HTR3B: variants seen among roughly 807,000 people sequenced by gnomAD.
The protein encoded by HTR3B is 5-hydroxytryptamine receptor 3B, also known as 5-hydroxytryptamine (serotonin) receptor 3B, ionotropic.
HTR3B carries 44 observed loss-of-function variants against 42.8 expected under a neutral mutation model. The ratio of observed to expected loss-of-function variants is 1.03; its 90% CI spans 0.81 to 1.32. The LOEUF (loss-of-function observed/expected upper bound fraction) is 1.32. Among genes scored for constraint, HTR3B ranks in the 40% most tolerant of loss-of-function variants. The pLI is 0.00. For synonymous variants in HTR3B, 203 were observed against 209.0 expected, an observed-to-expected ratio of 0.97 and a Z score of 0.25; for missense variants, 527 against 536.5, an observed-to-expected ratio of 0.98 and a Z score of 0.17.
At chr11:113,914,749 T>C (rs142247773) in intron 2 of HTR3B, among the ~76,000 whole-genome samples, 1 of 152,254 alleles carries the variant, frequency 6.6e-6, no homozygotes, top group East Asian at 1.9e-4. Context: ...GTATCAGGAT[T>C]GTGTTGGCCT....
At chr11:113,899,539 C>A in the HTR3B span, among the ~76,000 whole-genome samples, 3 of 152,234 alleles carry the variant, frequency 2.0e-5, no homozygotes, top group Admixed American at 6.5e-5. Context: ...AGAGAGTTAG[C>A]GATTAACTTC....
intron 2 of HTR3B, among the ~76,000 whole-genome samples, chr11:113,924,780 A>G (rs1381810990): frequency 6.6e-6 from 1 of 151,996 alleles, no homozygotes. Context: ...TTGGGGAAAT[A>G]CTTGTGAATT....
rs138942341 is a variant in HTR3B at position 113,909,313 on chromosome 11, C to A, written c.71C>A (p.Thr24Lys). 9 of 1,612,640 alleles carry A rather than the reference C, an allele frequency of 5.6e-6. No homozygotes were observed. The highest frequency in any genetic ancestry group is 7.6e-6 in the Non-Finnish European group (9 of 1,178,658). ...TTTCCAGGAATTCTAGCCACAGATA[C>A]ACATCATCCCCAGGATTCTGCTCTG... ...LVAAGILATD[T>K]HHPQDSALYH... Residue 24 changes from threonine to lysine, a missense_variant, in exon 2 of 9, where the codon ACA becomes AAA. Transcript: ENST00000260191.
At chr11:113,931,641 A>C (rs368526316) in intron 3 of HTR3B, 117 bp from the exon 4 acceptor site, 3 of 719,092 alleles carry the variant, frequency 4.2e-6, no homozygotes, top group African/African-American at 1.8e-5. Context: ...CTTTCTCCTA[A>C]CAGGTAGAAC....
At position 113,946,099 on chromosome 11, in the gene HTR3B, A is replaced by G; in HGVS notation, c.1288A>G (p.Thr430Ala). The G allele has an allele frequency of 6.2e-7, 1 of 1,613,846 alleles. No homozygotes were observed. The highest frequency in any genetic ancestry group is 8.5e-7 in the Non-Finnish European group (1 of 1,179,948). ...TTTCATGCTGGGGATCTACACCATC[A>G]CTCTGTGCTCCCTCTGGGCACTGTG... The part of the protein sequence containing the change: ...YLFMLGIYTI[T>A]LCSLWALWGG... Residue 430 changes from threonine (T) to alanine (A), a missense_variant, in exon 9 of 9, where the codon ACT becomes GCT. Thr to Ala is a moderately conservative substitution (Grantham distance 58). Transcript: ENST00000260191.
intron 1 of HTR3B, chr11:113,908,874 G>T: frequency 5.1e-6 from 1 of 196,540 alleles, no homozygotes; most frequent in Non-Finnish European, 1.0e-5. Context: ...TTTTTCTATT[G>T]AATTTTTGAA....
In HTR3B at chr11:113,914,226, G is replaced by A. The variant is rs943793043; in HGVS notation, c.213+4771G>A. On this transcript the variant is annotated intron_variant, in intron 2 of 8. Transcript: ENST00000260191. Reference sequence around the variant, plus strand: ...CTTACGCCTGTAATCCCAGCACTTCGGGAGGCCGAGGCAGGTGGATCACCT... The same window carrying A: ...CTTACGCCTGTAATCCCAGCACTTCAGGAGGCCGAGGCAGGTGGATCACCT... Among the ~76,000 whole-genome samples, 12 of 151,874 alleles carry A rather than the reference G, an allele frequency of 7.9e-5. No homozygotes were observed. The South Asian group carries it at 1.0e-3, about 13-fold the overall frequency.
At position 113,945,944 on chromosome 11, in the gene HTR3B, T is replaced by C; in HGVS notation, c.1133T>C (p.Leu378Pro). Reference sequence around the variant, plus strand: ...GAGCACCTGGCCCAGCCAGGAACCCTGAAGGAAGTCTGGTCGCAGCTTCAA... The same window carrying C: ...GAGCACCTGGCCCAGCCAGGAACCCCGAAGGAAGTCTGGTCGCAGCTTCAA... ...YGEHLAQPGT[L>P]KEVWSQLQSI... is the part of the protein sequence containing the mutation. The change falls in exon 9 of 9, where the codon CTG becomes CCG. Residue 378 changes from leucine to proline, a missense_variant. Transcript: ENST00000260191. The C allele has an allele frequency of 6.2e-7, 1 of 1,614,190 alleles. No individual in the cohort carries two copies. Among genetic ancestry groups the C allele is most frequent in the Non-Finnish European group, 8.5e-7 (1 of 1,180,032 alleles).
chr11:113,932,652 A>AC (rs1950048321), intron 5 of HTR3B, among the ~76,000 whole-genome samples, 194 bp downstream of exon 5: 1 of 151,886 alleles, frequency 6.6e-6, no homozygotes, highest in Non-Finnish European at 1.5e-5. Context: ...TTGTTTTGGA[A>AC]ACAGTGTTAG....
At chr11:113,936,230 G>A (rs1355383263) in intron 6 of HTR3B, among the ~76,000 whole-genome samples, 1 of 152,050 alleles carries the variant, frequency 6.6e-6, no homozygotes, top group Non-Finnish European at 1.5e-5. Flanking sequence ...GGGTAGAAGT[G>A]GGAGGAGGTA....
chr11:113,946,196 A>G lies in HTR3B; in HGVS notation c.*59A>G. 1 of 1,382,086 alleles carries G rather than the reference A, an allele frequency of 7.2e-7. No individual in the cohort carries two copies. Among genetic ancestry groups the G allele is most frequent in the South Asian group, 1.2e-5 (1 of 86,018 alleles). 85.6% of individuals were successfully genotyped at this position (1,382,086 alleles called of 1,614,324 possible). On this transcript the variant is annotated 3_prime_UTR_variant, in exon 9 of 9. Transcript: ENST00000260191. ...CTTAGGAGAGAGAGGAGGGGGAATA[A>G]TAGTGGGTTAAAAAGCTTTCTGGGT...
intron 8 of HTR3B, 29 bp downstream of exon 8, chr11:113,944,784 C>A (rs146568710): frequency 1.2e-6 from 2 of 1,600,984 alleles, no homozygotes; most frequent in Non-Finnish European, 1.7e-6. Context: ...GTTTCTCCCC[C>A]GTCTGGATTG....
chr11:113,922,738 G>A (rs1949928960), intron 2 of HTR3B, among the ~76,000 whole-genome samples: 1 of 151,872 alleles, frequency 6.6e-6, no homozygotes, highest in Non-Finnish European at 1.5e-5. Flanking sequence ...TGTATTTTTA[G>A]TAGAGACGGG....
chr11:113,942,570 T>G (rs766340515), intron 6 of HTR3B, among the ~76,000 whole-genome samples: 70 of 152,366 alleles, frequency 4.6e-4, no homozygotes, highest in South Asian at 1.2e-3. Context: ...AAACAAGGAA[T>G]TCAACCTCTT....
intron 1 of HTR3B, among the ~76,000 whole-genome samples, chr11:113,908,673 C>T (rs1035589331): frequency 6.6e-6 from 1 of 152,190 alleles, no homozygotes; most frequent in Non-Finnish European, 1.5e-5. Flanking sequence ...TGGTTGTTCC[C>T]TGGAACCAGA....
At chr11:113,940,399 AC>A (rs1300812328) in intron 6 of HTR3B, among the ~76,000 whole-genome samples, 2 of 151,856 alleles carry the variant, frequency 1.3e-5, no homozygotes, top group Admixed American at 6.6e-5. Flanking sequence ...ACAACATAAT[AC>A]CCCCATGGAC....
chr11:113,900,049 C>T (rs978853963), upstream of HTR3B, among the ~76,000 whole-genome samples: 1 of 152,020 alleles, frequency 6.6e-6, no homozygotes, highest in African/African-American at 2.4e-5. Context: ...GGTGGATCAC[C>T]TGAGGTCAGG....
In HTR3B at chr11:113,904,926, G is replaced by A; in HGVS notation, c.-8G>A. ...TTTGCATTTCTCCTTTTTGGGATCT[G>A]CCCAGGAATGTTGTCAAGTGTAATG... On this transcript the variant is annotated 5_prime_UTR_variant, in exon 1 of 9. Coordinates refer to ENST00000260191, the MANE Select transcript of HTR3B (RefSeq NM_006028.5). 2 of 1,612,964 alleles carry A rather than the reference G, an allele frequency of 1.2e-6. No homozygotes were observed. The highest frequency in any genetic ancestry group is 1.7e-6 in the Non-Finnish European group (2 of 1,179,032).
At chr11:113,912,007 T>C (rs934673106) in intron 2 of HTR3B, among the ~76,000 whole-genome samples, 3 of 152,210 alleles carry the variant, frequency 2.0e-5, no homozygotes, top group Non-Finnish European at 4.4e-5. Context: ...TTGTGTGTAC[T>C]CGATTGTGTC....
Sources: allele counts gnomAD v4.1 joint callset (sites outside exome capture counted in the v4.1 genomes callset), GRCh38; gene constraint gnomAD v4.1.1; transcripts MANE v1.5; gene names NCBI Gene and HGNC (gene_info 2026-07-23, HGNC 2026-07-21).